CDH4: variants seen among roughly 807,000 people sequenced by gnomAD.
CDH4 encodes the protein cadherin-4.
CDH4 carries 33 observed loss-of-function variants against 86.0 expected under a neutral mutation model. That is an observed-to-expected ratio of 0.38 (90% CI 0.29 to 0.51). The LOEUF (loss-of-function observed/expected upper bound fraction) is 0.51, where lower values mean the gene tolerates loss of function less well. Among genes scored for constraint, CDH4 ranks in the 20% least tolerant of loss-of-function variants. The pLI is 0.86. For synonymous variants in CDH4, 555 were observed against 549.4 expected (o/e 1.01, Z -0.14); for missense variants, 1,114 against 1,307.4 (o/e 0.85, Z 2.28).
rs900880412 is a variant in CDH4, at chr20:61,377,589, C to T, written c.169+122652C>T. ...TTGCATGGTGCTTTTCTGTAGTCAACGAGTCGCTTTAGCTTTCAAACAACT... is the reference window on the plus strand; with the variant it reads ...TTGCATGGTGCTTTTCTGTAGTCAATGAGTCGCTTTAGCTTTCAAACAACT... On this transcript the variant is annotated intron_variant, in intron 2 of 15. Coordinates refer to ENST00000614565, the MANE Select transcript of CDH4 (RefSeq NM_001794.5). The surrounding 1 kb of genome is among the most constrained non-coding windows in gnomAD (Gnocchi z 4.0). 3.3e-5 allele frequency among the ~76,000 whole-genome samples: 5 copies of T among 152,188 alleles called. No individual in the cohort carries two copies. The highest frequency in any genetic ancestry group is 2.1e-4 in the South Asian group (1 of 4,830).
intron 2 of CDH4, among the ~76,000 whole-genome samples, chr20:61,350,722 C>A (rs373635601): frequency 2.7e-5 from 4 of 145,692 alleles, no homozygotes; most frequent in South Asian, 2.2e-4. Flanking sequence ...GGCCCCCCCC[C>A]AGTGCTAACT....
At chr20:61,373,370 G>C (rs1447317851) in intron 2 of CDH4, among the ~76,000 whole-genome samples, 1 of 152,238 alleles carries the variant, frequency 6.6e-6, no homozygotes, top group Non-Finnish European at 1.5e-5. Flanking sequence ...GAATGAAATG[G>C]GCTATGCCCT....
At chr20:61,385,824 C>T (rs999165194) in intron 2 of CDH4, among the ~76,000 whole-genome samples, 1 of 142,040 alleles carries the variant, frequency 7.0e-6, no homozygotes, top group African/African-American at 2.7e-5. Context: ...ACGTAGGTGT[C>T]ATTTACTCAA....
At chr20:61,285,888 G>A (rs1448882625) in intron 2 of CDH4, among the ~76,000 whole-genome samples, 3 of 152,202 alleles carry the variant, frequency 2.0e-5, no homozygotes. Flanking sequence ...GATGGCCGTG[G>A]GCACCCACAC....
intron 2 of CDH4, among the ~76,000 whole-genome samples, chr20:61,652,163 A>G (rs550679704): frequency 2.2e-4 from 34 of 152,322 alleles, no homozygotes; most frequent in African/African-American, 7.9e-4. Flanking sequence ...TAAAGTACAT[A>G]ATATACACTC....
intron 4 of CDH4, among the ~76,000 whole-genome samples, chr20:61,809,674 A>T (rs1040174065): frequency 1.3e-5 from 2 of 152,200 alleles, no homozygotes; most frequent in Non-Finnish European, 2.9e-5. Context: ...CAAAGCTGGG[A>T]ACTGGAGTTT....
chr20:61,300,110 C>G (rs2084378179), intron 2 of CDH4, among the ~76,000 whole-genome samples: 1 of 152,088 alleles, frequency 6.6e-6, no homozygotes, highest in Admixed American at 6.5e-5. Flanking sequence ...ACAGAGACGT[C>G]CAGCCTGCTT....
rs976782053 is a variant in CDH4, at chr20:61,510,223, C to G, written c.170-233340C>G. 4.6e-5 allele frequency among the ~76,000 whole-genome samples: 7 copies of G among 152,164 alleles called. No homozygotes were observed. Among genetic ancestry groups the G allele is most frequent in the African/African-American group, 7.2e-5 (3 of 41,436 alleles). ...CATCTATGCGCTCAGCACTCCCGCT[C>G]GTGGAGCTCAGGAAAGGACACCCAT... is the stretch of plus-strand genomic sequence containing the variant. On this transcript the variant is annotated intron_variant, in intron 2 of 15. Coordinates refer to ENST00000614565, the MANE Select transcript of CDH4 (RefSeq NM_001794.5). The surrounding 1 kb of genome is among the most constrained non-coding windows in gnomAD (Gnocchi z 4.2).
chr20:61,447,238 C>T (rs1347320253), intron 2 of CDH4, among the ~76,000 whole-genome samples: 1 of 152,060 alleles, frequency 6.6e-6, no homozygotes, highest in East Asian at 1.9e-4. Flanking sequence ...CTCACTGCAA[C>T]CTCCGCCTCC....
rs2085770814 is a variant in CDH4, at chr20:61,510,327, A to G, written c.170-233236A>G. On this transcript the variant is annotated intron_variant, in intron 2 of 15. Coordinates refer to ENST00000614565, the MANE Select transcript of CDH4 (RefSeq NM_001794.5). The surrounding 1 kb of genome is among the most constrained non-coding windows in gnomAD (Gnocchi z 4.2). ...TCAGGGGAGTTTCTATTTGCCCAGG[A>G]GGATTGTGATGTAAGGCACAAGGCC... 6.6e-6 allele frequency among the ~76,000 whole-genome samples: 1 copy of G among 152,044 alleles called. No individual in the cohort carries two copies. Among genetic ancestry groups the G allele is most frequent in the African/African-American group, 2.4e-5 (1 of 41,366 alleles).
At position 61,501,788 on chromosome 20, in the gene CDH4, G is replaced by A. The variant is rs955331051; in HGVS notation, c.170-241775G>A. Among the ~76,000 whole-genome samples the A allele has an allele frequency of 1.1e-4, 16 of 152,084 alleles. No individual in the cohort carries two copies. The highest frequency in any genetic ancestry group is 1.6e-4 in the Non-Finnish European group (11 of 68,020). ...CATTATGGGACGGACCACCAGACGC[G>A]ACTAATGAAACTTTTCTGTTCTCTC... On this transcript the variant is annotated intron_variant, in intron 2 of 15. Transcript: ENST00000614565. This position sits in a 1 kb window ranked among gnomAD's most constrained non-coding sequence, Gnocchi z 4.2.
intron 2 of CDH4, among the ~76,000 whole-genome samples, chr20:61,586,045 G>T (rs1316857849): frequency 7.1e-6 from 1 of 140,262 alleles, no homozygotes; most frequent in African/African-American, 2.8e-5. Flanking sequence ...GTGGTGATGA[G>T]GAGGATGATG....
chr20:61,782,005 T>A (rs1037504077), intron 4 of CDH4, among the ~76,000 whole-genome samples: 1 of 152,114 alleles, frequency 6.6e-6, no homozygotes, highest in Non-Finnish European at 1.5e-5. Flanking sequence ...AGAAAAAATA[T>A]CCTTCAAAAA....
At chr20:61,668,462 C>T (rs901987698) in intron 2 of CDH4, among the ~76,000 whole-genome samples, 1 of 152,222 alleles carries the variant, frequency 6.6e-6, no homozygotes, top group African/African-American at 2.4e-5. Context: ...CCCTGTGGAA[C>T]CAGCTGCCCC....
In CDH4 at chr20:61,702,470, A is replaced by G. The variant is rs118149489; in HGVS notation, c.170-41093A>G. Among the ~76,000 whole-genome samples the G allele has an allele frequency of 6.4e-3, 970 of 152,320 alleles. 6 individuals are homozygous for G. The highest frequency in any genetic ancestry group is 0.011 in the Non-Finnish European group (775 of 68,028). ...GGGCCACCCTCCCAAACGCAGCCCA[A>G]GTCACTAGCCTAGGTGCAGACGCTT... On this transcript the variant is annotated intron_variant, in intron 2 of 15. Coordinates refer to ENST00000614565, the MANE Select transcript of CDH4 (RefSeq NM_001794.5).
intron 5 of CDH4, among the ~76,000 whole-genome samples, chr20:61,851,799 A>G (rs933135822): frequency 1.3e-5 from 2 of 151,994 alleles, no homozygotes; most frequent in African/African-American, 4.8e-5. Flanking sequence ...CTCCTCCGAG[A>G]GGCCTCCCTG....
rs905815331 is a variant in CDH4, at chr20:61,684,452, C to T, written c.170-59111C>T. Among the ~76,000 whole-genome samples, 3 of 152,152 alleles carry T rather than the reference C, an allele frequency of 2.0e-5. No individual in the cohort carries two copies. Among genetic ancestry groups the T allele is most frequent in the Non-Finnish European group, 4.4e-5 (3 of 68,030 alleles). ...ATGCAGGGGCAGGGACATCTCAGGA[C>T]CTTTTATACAAAATAGCCTTGAGCC... On this transcript the variant is annotated intron_variant, in intron 2 of 15. Coordinates refer to ENST00000614565, the MANE Select transcript of CDH4 (RefSeq NM_001794.5). This position sits in a 1 kb window ranked among gnomAD's most constrained non-coding sequence, Gnocchi z 4.5.
intron 2 of CDH4, among the ~76,000 whole-genome samples, chr20:61,352,420 A>G (rs975450746): frequency 2.0e-5 from 3 of 152,130 alleles, no homozygotes; most frequent in African/African-American, 7.2e-5. Flanking sequence ...GTGTTTTTCC[A>G]CAATGCAGTG....
At chr20:61,299,447 G>A (rs952446480) in intron 2 of CDH4, among the ~76,000 whole-genome samples, 22 of 152,208 alleles carry the variant, frequency 1.4e-4, no homozygotes, top group East Asian at 3.9e-4. Context: ...TGGCAGCCAC[G>A]GGAAACTGAC....
Sources: allele counts gnomAD v4.1 joint callset (sites outside exome capture counted in the v4.1 genomes callset), GRCh38; gene constraint gnomAD v4.1.1; non-coding constraint Gnocchi (gnomAD v3.1); transcripts MANE v1.5; gene names NCBI Gene and HGNC (gene_info 2026-07-23, HGNC 2026-07-21).